The following PRPSAP2 variants were observed in gnomAD, a reference collection of about 807,000 sequenced individuals.
PRPSAP2 encodes phosphoribosyl pyrophosphate synthetase associated protein 2.
PRPSAP2 carries 24 observed loss-of-function variants against 40.6 expected under a neutral mutation model. The observed-to-expected ratio is 0.59, with a 90% CI of 0.43 to 0.83. The LOEUF (loss-of-function observed/expected upper bound fraction) is 0.83. Among genes scored for constraint, PRPSAP2 ranks in the 40% least tolerant of loss-of-function variants. The pLI is 0.00. For missense variants in PRPSAP2, 292 were observed against 465.6 expected, an observed-to-expected ratio of 0.63 and a Z score of 3.43; for synonymous variants, 149 against 164.7, an observed-to-expected ratio of 0.90 and a Z score of 0.73.
At chr17:18,882,536 A>AT (rs2038836257) in intron 6 of PRPSAP2, 32 bp from the exon 7 acceptor site, 1 of 1,379,106 alleles carries the variant, frequency 7.3e-7, no homozygotes, top group African/African-American at 1.5e-5. Context: ...AAACAAAACT[A>AT]TTTATTGCTT....
At chr17:18,872,066 C>T (rs200050579) in intron 4 of PRPSAP2, among the ~76,000 whole-genome samples, 2 of 152,042 alleles carry the variant, frequency 1.3e-5, no homozygotes, top group African/African-American at 4.8e-5. Flanking sequence ...GTCAGGAGAT[C>T]GAGACCATCC....
intron 7 of PRPSAP2, among the ~76,000 whole-genome samples, chr17:18,885,834 A>C (rs1186157316): frequency 6.6e-6 from 1 of 152,030 alleles, no homozygotes; most frequent in Non-Finnish European, 1.5e-5. Context: ...TGATCTGCCC[A>C]CCTTGGCCTC....
chr17:18,879,009 A>T (rs150470994), intron 6 of PRPSAP2, among the ~76,000 whole-genome samples: 4 of 151,860 alleles, frequency 2.6e-5, no homozygotes, highest in African/African-American at 9.7e-5. Context: ...AGCTGGGACT[A>T]CAGGTGCCTG....
intron 8 of PRPSAP2, among the ~76,000 whole-genome samples, chr17:18,897,991 C>CTTTTTTTTTTTTTTTTTTT (rs71155370): frequency 8.6e-6 from 1 of 116,332 alleles, no homozygotes; most frequent in Non-Finnish European, 1.7e-5. Flanking sequence ...AGAATTTTTG[C>CTTTTTTTTTTTTTTTTTTT]TTTTTTTTTT....
chr17:18,886,660 C>T (rs906377097), intron 7 of PRPSAP2, among the ~76,000 whole-genome samples: 1 of 152,002 alleles, frequency 6.6e-6, no homozygotes, highest in African/African-American at 2.4e-5. Flanking sequence ...GCCCAGCCAA[C>T]TTTTGCCATC....
intron 4 of PRPSAP2, among the ~76,000 whole-genome samples, chr17:18,867,724 C>A (rs2037534611): frequency 6.6e-6 from 1 of 152,180 alleles, no homozygotes; most frequent in African/African-American, 2.4e-5. Flanking sequence ...TTTAGTTAGT[C>A]TTTATTTGCA....
intron 5 of PRPSAP2, among the ~76,000 whole-genome samples, chr17:18,873,885 G>A (rs2038082459): frequency 6.6e-6 from 1 of 151,846 alleles, no homozygotes; most frequent in African/African-American, 2.4e-5. Flanking sequence ...GTGATCACCT[G>A]GAGCCCTACT....
At chr17:18,930,207 C>G (rs2042188177) in intron 11 of PRPSAP2, among the ~76,000 whole-genome samples, 1 of 152,010 alleles carries the variant, frequency 6.6e-6, no homozygotes, top group Non-Finnish European at 1.5e-5. Flanking sequence ...CCCGTCTCTA[C>G]TAAAAATACA....
intron 6 of PRPSAP2, 111 bp downstream of exon 6, chr17:18,877,981 G>A: frequency 8.3e-7 from 1 of 1,202,082 alleles, no homozygotes; most frequent in African/African-American, 1.5e-5. Context: ...GAGTGTAGTG[G>A]CGTGATCATA....
Position 18,895,843 on chromosome 17 carries a change from C to T in PRPSAP2, c.584+5966C>T, listed in dbSNP as rs977772899. 7.2e-5 allele frequency among the ~76,000 whole-genome samples: 11 copies of T among 152,086 alleles called. No individual in the cohort carries two copies. The South Asian group carries it at 2.3e-3, about 32-fold the overall frequency. ...ATTTCACCATGTTGGCTGGGCTGGT[C>T]TCAAAACTCCTGACCTCAGGTGATC... On this transcript the variant is annotated intron_variant, in intron 8 of 11. Transcript: ENST00000268835.
chr17:18,919,732 G>T (rs1284920696), intron 9 of PRPSAP2, among the ~76,000 whole-genome samples: 1 of 152,156 alleles, frequency 6.6e-6, no homozygotes, highest in Non-Finnish European at 1.5e-5. Context: ...CCTTTTAATT[G>T]AGTGATGATT....
chr17:18,869,068 A>G (rs991779263), intron 4 of PRPSAP2, among the ~76,000 whole-genome samples: 2 of 152,112 alleles, frequency 1.3e-5, no homozygotes, highest in African/African-American at 2.4e-5. Flanking sequence ...GGATTGAATG[A>G]TGTTCTTTGT....
At chr17:18,862,851 C>T (rs960140264) in intron 1 of PRPSAP2, among the ~76,000 whole-genome samples, 2 of 151,486 alleles carry the variant, frequency 1.3e-5, no homozygotes, top group Non-Finnish European at 2.9e-5. Flanking sequence ...GACAGAGTCT[C>T]GCTCTGTCTC....
At chr17:18,917,584 A>ATTTTTTTTTTTTT (rs536358118) in intron 9 of PRPSAP2, 1 of 32,344 alleles carries the variant, frequency 3.1e-5, no homozygotes, top group African/African-American at 1.2e-4. Flanking sequence ...TATTATTATT[A>ATTTTTTTTTTTTT]TTTTTTTTTT....
intron 1 of PRPSAP2, among the ~76,000 whole-genome samples, chr17:18,861,768 G>A (rs1214245168): frequency 6.6e-6 from 1 of 152,202 alleles, no homozygotes; most frequent in Middle Eastern, 3.2e-3. Flanking sequence ...GAGCTATCTT[G>A]AAATAGTTTG....
intron 8 of PRPSAP2, among the ~76,000 whole-genome samples, chr17:18,895,271 A>T (rs925966519): frequency 7.9e-5 from 12 of 151,378 alleles, no homozygotes; most frequent in East Asian, 1.9e-4. Context: ...ATATATATAT[A>T]TTTTTTGTTA....
chr17:18,905,218 G>T (rs1320915629), intron 8 of PRPSAP2, among the ~76,000 whole-genome samples: 1 of 152,058 alleles, frequency 6.6e-6, no homozygotes. Context: ...TAGAGACGGG[G>T]TTTCACCACG....
intron 1 of PRPSAP2, chr17:18,859,608 T>A (rs117520911): frequency 2.6e-5 from 4 of 152,208 alleles, no homozygotes; most frequent in Admixed American, 2.6e-4. Context: ...GTTGGAGAGA[T>A]AAGCAGAGCC....
chr17:18,873,274 A>G (rs139974929), intron 5 of PRPSAP2, among the ~76,000 whole-genome samples: 90 of 148,878 alleles, frequency 6.0e-4, no homozygotes, highest in African/African-American at 1.8e-3. Context: ...GCTTACCGCA[A>G]CCTCAGCTTA....
Sources: gnomAD v4.1 joint callset for allele counts (sites outside exome capture counted in the v4.1 genomes callset) on GRCh38, gnomAD v4.1.1 for gene constraint, MANE v1.5 for transcripts, NCBI Gene and HGNC (gene_info 2026-07-23, HGNC 2026-07-21) for gene names.